The following STPG2 variants were observed in gnomAD, a reference collection of about 807,000 sequenced individuals.
STPG2 encodes the protein sperm-tail PG-rich repeat-containing protein 2.
Under a neutral mutation model 54.2 loss-of-function variants are expected in STPG2, and 56 were observed. That is an observed-to-expected ratio of 1.03 (90% confidence interval 0.83 to 1.29). STPG2 has a LOEUF of 1.29. Among genes scored for constraint, STPG2 ranks in the 50% most tolerant of loss-of-function variants. The pLI is 0.00. For missense variants in STPG2, 596 were observed against 544.9 expected (o/e 1.09, Z -0.93); for synonymous variants, 200 against 181.8 (o/e 1.10, Z -0.81).
intron 7 of STPG2, among the ~76,000 whole-genome samples, chr4:97,958,970 G>A (rs2149246500): frequency 6.6e-6 from 1 of 152,116 alleles, no homozygotes; most frequent in East Asian, 1.9e-4. Flanking sequence ...CCATATGATA[G>A]GCCATGAAAC....
intron 4 of STPG2, among the ~76,000 whole-genome samples, chr4:97,447,203 T>C (rs1341416011): frequency 6.6e-6 from 1 of 152,188 alleles, no homozygotes; most frequent in Non-Finnish European, 1.5e-5. Flanking sequence ...TGGAAATCTG[T>C]GGAGCATTGA....
intron 7 of STPG2, among the ~76,000 whole-genome samples, chr4:97,945,154 C>A (rs1321458302): frequency 6.6e-6 from 1 of 152,062 alleles, no homozygotes. Flanking sequence ...GTGCACCCAT[C>A]ACCCACGTAG....
At chr4:97,917,481 C>T (rs1044051264) in intron 8 of STPG2, 5 of 152,034 alleles carry the variant, frequency 3.3e-5, no homozygotes, top group Admixed American at 1.3e-4. Flanking sequence ...GGGTTCAACA[C>T]CAGCAAACAA....
intron 4 of STPG2, among the ~76,000 whole-genome samples, chr4:97,502,980 A>G (rs1338051974): frequency 1.3e-5 from 2 of 151,988 alleles, no homozygotes; most frequent in African/African-American, 4.8e-5. Context: ...TAAATTTGTG[A>G]TATTTAATTT....
chr4:97,555,592 T>A (rs1732060646), downstream of STPG2, among the ~76,000 whole-genome samples: 1 of 152,186 alleles, frequency 6.6e-6, no homozygotes, highest in African/African-American at 2.4e-5. Context: ...TTTTTTAACC[T>A]AAAATGTAAC....
intron 5 of STPG2, among the ~76,000 whole-genome samples, chr4:98,064,163 T>C (rs929417210): frequency 5.3e-5 from 8 of 152,292 alleles, no homozygotes; most frequent in African/African-American, 1.9e-4. Flanking sequence ...AAAAAATAGA[T>C]GTAAAAGTTA....
intron 9 of STPG2, among the ~76,000 whole-genome samples, chr4:97,777,122 G>A (rs2149067266): frequency 6.6e-6 from 1 of 152,270 alleles, no homozygotes; most frequent in South Asian, 2.1e-4. Context: ...AATATTTACA[G>A]GATGGTTAAA....
intron 9 of STPG2, among the ~76,000 whole-genome samples, chr4:97,736,706 G>A (rs1405696155): frequency 2.6e-5 from 4 of 152,214 alleles, no homozygotes; most frequent in Non-Finnish European, 4.4e-5. Context: ...AAGGAGCCGG[G>A]AAGCTCGAAC....
chr4:98,030,296 C>T (rs137970763), intron 5 of STPG2, among the ~76,000 whole-genome samples: 80 of 152,272 alleles, frequency 5.3e-4, no homozygotes, highest in African/African-American at 1.9e-3. Context: ...GCACAGCTCA[C>T]ATAGGCAAAT....
rs191298342 is a variant in STPG2 at position 97,460,746 on chromosome 4, C to T, written c.462+251953G>A. Among the ~76,000 whole-genome samples, 191 of 152,290 alleles carry T rather than the reference C, an allele frequency of 1.3e-3. 2 individuals are homozygous for T. Among genetic ancestry groups the T allele is most frequent in the African/African-American group, 4.4e-3 (182 of 41,550 alleles). The stretch of plus-strand genomic sequence containing the variant: ...GTCCTCCAAAACGCTCTTATGTTCC[C>T]ACACCCAGTCACAACTCCCATATGC... On this transcript the variant is annotated intron_variant, in intron 4 of 4. Coordinates refer to the STPG2 transcript ENST00000522676.
chr4:97,885,223 G>A (rs922277351), intron 8 of STPG2, among the ~76,000 whole-genome samples: 5 of 152,172 alleles, frequency 3.3e-5, no homozygotes, highest in Admixed American at 2.0e-4. Context: ...AAACCCTGGA[G>A]TTGGTGAAGA....
chr4:97,630,693 C>T (rs1160003843), intron 10 of STPG2, among the ~76,000 whole-genome samples: 1 of 151,520 alleles, frequency 6.6e-6, no homozygotes, highest in Non-Finnish European at 1.5e-5. Context: ...AATATCAAAA[C>T]AATTAAATTA....
chr4:97,480,570 A>C (rs148430669), intron 4 of STPG2, among the ~76,000 whole-genome samples: 168 of 151,766 alleles, frequency 1.1e-3, no homozygotes, highest in African/African-American at 3.7e-3. Flanking sequence ...CTAGAAATGT[A>C]TGAGAGTATC....
chr4:97,896,809 C>A (rs1730971967), intron 8 of STPG2, among the ~76,000 whole-genome samples: 1 of 151,900 alleles, frequency 6.6e-6, no homozygotes, highest in African/African-American at 2.4e-5. Flanking sequence ...GATATTTTCA[C>A]AGTATTACAA....
At chr4:97,740,240 C>A (rs910256420) in intron 9 of STPG2, among the ~76,000 whole-genome samples, 4 of 152,118 alleles carry the variant, frequency 2.6e-5, no homozygotes, top group South Asian at 2.1e-4. Context: ...ATCTATGACA[C>A]ACCCACAGCC....
intron 5 of STPG2, among the ~76,000 whole-genome samples, chr4:98,031,646 C>T (rs1736603967): frequency 6.6e-6 from 1 of 151,984 alleles, no homozygotes; most frequent in Non-Finnish European, 1.5e-5. Flanking sequence ...GATCATGCCA[C>T]CGCACTCCAG....
chr4:97,970,724 C>T (rs958605700), intron 7 of STPG2, among the ~76,000 whole-genome samples: 3 of 152,178 alleles, frequency 2.0e-5, no homozygotes, highest in African/African-American at 7.2e-5. Flanking sequence ...AAAACCTAGG[C>T]AATACCATTC....
At chr4:97,818,565 T>C (rs1031095319) in intron 9 of STPG2, among the ~76,000 whole-genome samples, 1 of 151,936 alleles carries the variant, frequency 6.6e-6, no homozygotes, top group African/African-American at 2.4e-5. Context: ...AGAAGACTGC[T>C]GTATTTTCAA....
intron 8 of STPG2, among the ~76,000 whole-genome samples, chr4:97,909,270 AAAG>A (rs1731585329): frequency 6.6e-6 from 1 of 152,024 alleles, no homozygotes; most frequent in Non-Finnish European, 1.5e-5. Flanking sequence ...AATAAAATGA[AAAG>A]AAATTGGCAG....
Sources: allele counts gnomAD v4.1 joint callset (sites outside exome capture counted in the v4.1 genomes callset), GRCh38; gene constraint gnomAD v4.1.1; transcripts MANE v1.5; gene names NCBI Gene and HGNC (gene_info 2026-07-23, HGNC 2026-07-21).